The following IL22RA2 variants were observed in gnomAD, a reference collection of about 807,000 sequenced individuals.
The protein encoded by IL22RA2 is interleukin-22 receptor subunit alpha-2.
A neutral mutation model predicts 30.7 loss-of-function variants in IL22RA2; 39 were observed. The observed-to-expected ratio is 1.27, with a 90% CI of 0.98 to 1.66. The LOEUF (loss-of-function observed/expected upper bound fraction) is 1.66, where lower values mean the gene tolerates loss of function less well. IL22RA2 is among the 40% of genes most tolerant of loss of function. The pLI, the probability that IL22RA2 is intolerant of heterozygous loss-of-function variation, is 0.00. For missense variants in IL22RA2, 315 were observed against 312.7 expected, an observed-to-expected ratio of 1.01 and a Z score of -0.05; for synonymous variants, 103 against 105.0, an observed-to-expected ratio of 0.98 and a Z score of 0.11.
chr6:137,148,176 A>C (rs1354062480), intron 5 of IL22RA2, among the ~76,000 whole-genome samples: 1 of 152,186 alleles, frequency 6.6e-6, no homozygotes, highest in Non-Finnish European at 1.5e-5. Context: ...GGAAACATAC[A>C]AATTACTTTC....
intron 1 of IL22RA2, 85 bp from the exon 2 acceptor site, chr6:137,161,899 A>G: frequency 2.0e-6 from 1 of 500,594 alleles, no homozygotes; most frequent in Admixed American, 3.3e-5. Flanking sequence ...TTGATACTAC[A>G]TTATATTATT....
Position 137,167,014 on chromosome 6 carries a change from C to T in IL22RA2, c.-65-5200G>A, listed in dbSNP as rs371427918. On this transcript the variant is annotated intron_variant, in intron 1 of 6. Transcript: ENST00000296980. ...GCATGCTAGTGTTTGTCTGCACTTT[C>T]TCAGGGTGGGTTGAGGCATTTCCCA... 5.9e-5 allele frequency among the ~76,000 whole-genome samples: 9 copies of T among 152,286 alleles called. No individual in the cohort carries two copies. The East Asian group carries it at 9.6e-4, about 16-fold the overall frequency.
rs1778527924 is a variant in IL22RA2, at chr6:137,161,804, C to T, written c.-55G>A. The T allele has an allele frequency of 1.1e-5, 15 of 1,425,032 alleles. No individual in the cohort carries two copies. The highest frequency in any genetic ancestry group is 1.8e-4 in the Middle Eastern group (1 of 5,710). 88.3% of individuals were successfully genotyped at this position (1,425,032 alleles called of 1,614,324 possible). A position where few individuals can be genotyped will look rare whatever the true frequency, so the allele number is the denominator to read the frequency against. On this transcript the variant is annotated 5_prime_UTR_variant, in exon 2 of 7. An upstream open reading frame in the 5' UTR gains an earlier in-frame stop. Coordinates refer to ENST00000296980, the MANE Select transcript of IL22RA2 (RefSeq NM_052962.3). ...GTGTTCCTTTTAACCAGCTCAGGAC[C>T]AAAGAGGAAACTGTAAAATCCACAA... is the stretch of plus-strand genomic sequence containing the variant.
chr6:137,157,236 C>G (rs1356655626), intron 3 of IL22RA2, among the ~76,000 whole-genome samples: 1 of 152,084 alleles, frequency 6.6e-6, no homozygotes, highest in Non-Finnish European at 1.5e-5. Flanking sequence ...AGTTTCTAAT[C>G]TTCTTAGTAC....
At chr6:137,155,144 C>T in intron 4 of IL22RA2, 25 bp from the exon 5 acceptor site, 2 of 1,497,668 alleles carry the variant, frequency 1.3e-6, no homozygotes, top group Non-Finnish European at 1.8e-6. Context: ...AGGCAAAGAT[C>T]TGAGTTTCTT....
intron 2 of IL22RA2, among the ~76,000 whole-genome samples, chr6:137,160,931 T>G (rs900375436): frequency 2.0e-5 from 3 of 152,236 alleles, no homozygotes; most frequent in Non-Finnish European, 4.4e-5. Flanking sequence ...ATTGCTTTTA[T>G]GTATTAGTCA....
At chr6:137,159,810 C>T (rs1336513678) in intron 2 of IL22RA2, among the ~76,000 whole-genome samples, 1 of 152,182 alleles carries the variant, frequency 6.6e-6, no homozygotes, top group Admixed American at 6.5e-5. Context: ...TTCTCCACCT[C>T]CTTCAAGTCT....
chr6:137,162,569 C>G (rs1778543720), intron 1 of IL22RA2, among the ~76,000 whole-genome samples: 1 of 152,176 alleles, frequency 6.6e-6, no homozygotes, highest in African/African-American at 2.4e-5. Context: ...TCTTTGAAAT[C>G]TGATTGAAGC....
intron 1 of IL22RA2, among the ~76,000 whole-genome samples, chr6:137,164,609 C>T (rs1318532210): frequency 2.0e-5 from 3 of 152,202 alleles, no homozygotes; most frequent in Non-Finnish European, 4.4e-5. Context: ...CGGCTGCCTC[C>T]GGAGACTCAG....
intron 3 of IL22RA2, among the ~76,000 whole-genome samples, chr6:137,157,538 TGGATGAATTTATG>T (rs1368628530): frequency 1.3e-5 from 2 of 152,052 alleles, no homozygotes; most frequent in African/African-American, 4.8e-5. Flanking sequence ...TGGAGAGACA[TGGATGAATTTATG>T]GGATAAAAAT....
intron 1 of IL22RA2, among the ~76,000 whole-genome samples, chr6:137,163,598 A>G (rs1020203479): frequency 1.3e-5 from 2 of 152,210 alleles, no homozygotes; most frequent in African/African-American, 4.8e-5. Flanking sequence ...TATGAACTGC[A>G]GTAAGGTTTG....
chr6:137,147,667 T>C, intron 6 of IL22RA2, 55 bp downstream of exon 6: 1 of 1,341,066 alleles, frequency 7.5e-7, no homozygotes, highest in Non-Finnish European at 1.0e-6. Context: ...ACCACAATAT[T>C]GGTTAAATAA....
At chr6:137,163,013 C>G (rs921868227) in intron 1 of IL22RA2, among the ~76,000 whole-genome samples, 13 of 152,324 alleles carry the variant, frequency 8.5e-5, no homozygotes, top group African/African-American at 3.1e-4. Context: ...TATTAACAGC[C>G]TGTCTTCTCT....
intron 1 of IL22RA2, among the ~76,000 whole-genome samples, chr6:137,162,857 C>A (rs1343279994): frequency 2.6e-5 from 4 of 152,090 alleles, no homozygotes; most frequent in African/African-American, 9.7e-5. Flanking sequence ...GATGGTGGAC[C>A]CTCATGCCAT....
At chr6:137,161,130 GC>G (rs1214688006) in intron 2 of IL22RA2, among the ~76,000 whole-genome samples, 2 of 152,176 alleles carry the variant, frequency 1.3e-5, no homozygotes, top group Non-Finnish European at 2.9e-5. Flanking sequence ...CCTATCCTGT[GC>G]CAGGCACTTC....
intron 1 of IL22RA2, 62 bp from the exon 2 acceptor site, chr6:137,161,876 C>T: frequency 1.7e-6 from 1 of 581,286 alleles, no homozygotes; most frequent in South Asian, 2.7e-5. Flanking sequence ...CTTGAAGCAA[C>T]TACAATTTTA....
chr6:137,159,583 A>G (rs888218279), intron 2 of IL22RA2, among the ~76,000 whole-genome samples: 4 of 152,120 alleles, frequency 2.6e-5, no homozygotes, highest in African/African-American at 9.7e-5. Context: ...TCGGCCTCCC[A>G]AAGTGCTGGG....
At chr6:137,165,228 G>C (rs562470862) in intron 1 of IL22RA2, among the ~76,000 whole-genome samples, 1 of 152,156 alleles carries the variant, frequency 6.6e-6, no homozygotes. Context: ...TCAGAGGTTC[G>C]CCAGAAGCCA....
At chr6:137,154,325 T>A (rs1221792526) in intron 5 of IL22RA2, among the ~76,000 whole-genome samples, 1 of 152,120 alleles carries the variant, frequency 6.6e-6, no homozygotes, top group Non-Finnish European at 1.5e-5. Flanking sequence ...TAAAAATACT[T>A]TTTTAGGGGC....
Sources: gnomAD v4.1 joint callset for allele counts (sites outside exome capture counted in the v4.1 genomes callset) on GRCh38, gnomAD v4.1.1 for gene constraint, MANE v1.5 for transcripts, NCBI Gene and HGNC (gene_info 2026-07-23, HGNC 2026-07-21) for gene names.